CRLS1: variants seen among roughly 807,000 people sequenced by gnomAD.
CRLS1 encodes cardiolipin synthase (CMP-forming).
In CRLS1, 24 loss-of-function variants were observed where a neutral mutation model predicts 37.0. That is an observed-to-expected ratio of 0.65 (90% CI 0.47 to 0.91). CRLS1 has a LOEUF of 0.91. Among genes scored for constraint, CRLS1 ranks in the 40% least tolerant of loss-of-function variants. The pLI, the probability that CRLS1 is intolerant of heterozygous loss-of-function variation, is 0.00. For missense variants in CRLS1, 373 were observed against 395.8 expected (o/e 0.94, Z 0.49); for synonymous variants, 135 against 159.7 (o/e 0.85, Z 1.17).
intron 6 of CRLS1, among the ~76,000 whole-genome samples, chr20:6,036,389 G>A (rs1403159407): frequency 1.3e-5 from 2 of 152,194 alleles, no homozygotes; most frequent in Non-Finnish European, 2.9e-5. Flanking sequence ...AAGTGCGTGG[G>A]CGCACTAAAA....
chr20:6,031,973 A>G, intron 4 of CRLS1, 39 bp from the exon 5 acceptor site: 1 of 1,460,462 alleles, frequency 6.8e-7, no homozygotes, highest in South Asian at 1.2e-5. Flanking sequence ...TATTTTAAAC[A>G]ATAAGTTAAT....
rs1337608331 is a variant in CRLS1 at position 6,031,154 on chromosome 20, T to TG, written c.575-130dup. ...TAGGGGACCCTAAACCATCGATAGG[T>TG]GTTCATTATAAAATTTCTATTTGTG... On this transcript the variant is annotated intron_variant, in intron 3 of 6. Transcript: ENST00000378863. The TG allele has an allele frequency of 1.1e-5, 6 of 569,554 alleles. No individual in the cohort carries two copies. In the African/African-American group the frequency reaches 1.2e-4, roughly 11 times the overall value. 35.3% of individuals were successfully genotyped at this position (569,554 alleles called of 1,614,324 possible).
chr20:6,036,999 G>A (rs988586276), intron 6 of CRLS1, 75 bp from the exon 7 acceptor site: 5 of 973,178 alleles, frequency 5.1e-6, no homozygotes, highest in Middle Eastern at 2.2e-4. Context: ...TTCATTGCAT[G>A]TATTCATTAT....
Position 6,009,838 on chromosome 20 carries a change from C to T in CRLS1, c.370C>T (p.Leu124=). ...SMTRIGLAPV[L]GYLIIEEDFN... The stretch of plus-strand genomic sequence containing the variant: ...GACGAGAATTGGCTTGGCCCCAGTT[C>T]TGGGCTATTTGATTATTGAAGAAGA... Residue 124 remains leucine, a synonymous_variant, in exon 2 of 7, where the codon CTG becomes TTG. Transcript: ENST00000378863. 1 of 1,614,082 alleles carries T rather than the reference C, an allele frequency of 6.2e-7. No homozygotes were observed. The highest frequency in any genetic ancestry group is 8.5e-7 in the Non-Finnish European group (1 of 1,179,974).
intron 3 of CRLS1, chr20:6,026,370 A>C (rs6085354): frequency 6.6e-6 from 1 of 150,910 alleles, no homozygotes; most frequent in African/African-American, 2.5e-5. Flanking sequence ...CAGTGCTACT[A>C]CCGTACACAA....
rs6038331 is a variant in CRLS1 at position 6,023,890 on chromosome 20, C to G, written c.575-7395C>G. On this transcript the variant is annotated intron_variant, in intron 3 of 6. Transcript: ENST00000378863. ...TTTACAGATTCAAGGTTTGGCAACC[C>G]TATGTCCACAAGTCTGTCAGCACCA... Among the ~76,000 whole-genome samples, 695 of 152,170 alleles carry G rather than the reference C, an allele frequency of 4.6e-3. 8 individuals are homozygous for G. Among genetic ancestry groups the G allele is most frequent in the African/African-American group, 0.016 (679 of 41,516 alleles).
In CRLS1 at chr20:6,023,779, G is replaced by C. The variant is rs147280694; in HGVS notation, c.575-7506G>C. Among the ~76,000 whole-genome samples, 51 of 150,582 alleles carry C rather than the reference G, an allele frequency of 3.4e-4. No homozygotes were observed. In the East Asian group the frequency reaches 8.0e-3, roughly 24 times the overall value. ...AAAAAAAAGTTCTTATATCGTGTAT[G>C]AATGTCATTCGGGATATCTATACAT... On this transcript the variant is annotated intron_variant, in intron 3 of 6. Transcript: ENST00000378863.
intron 3 of CRLS1, chr20:6,028,232 A>G (rs1979879110): frequency 6.6e-6 from 1 of 152,132 alleles, no homozygotes; most frequent in South Asian, 2.1e-4. Context: ...AGAATAATAA[A>G]TCATTCTGCT....
At chr20:6,011,588 T>TTTTTTTTTTTTTTTTA (rs1978324620) in intron 2 of CRLS1, among the ~76,000 whole-genome samples, 1 of 103,628 alleles carries the variant, frequency 9.6e-6, no homozygotes, top group African/African-American at 4.6e-5. Context: ...TTTTTTTTTT[T>TTTTTTTTTTTTTTTTA]TTTTTTTTTT....
chr20:6,033,751 C>G (rs866842783), intron 5 of CRLS1, among the ~76,000 whole-genome samples: 1 of 152,156 alleles, frequency 6.6e-6, no homozygotes, highest in Non-Finnish European at 1.5e-5. Flanking sequence ...GCAATCATAG[C>G]TCACTGCAGC....
chr20:6,009,393 A>G (rs965288876), intron 1 of CRLS1, among the ~76,000 whole-genome samples: 3 of 151,920 alleles, frequency 2.0e-5, no homozygotes, highest in East Asian at 1.9e-4. Flanking sequence ...GTTTCGGTAC[A>G]TGATACATCT....
chr20:6,010,033 C>T (rs576773199), intron 2 of CRLS1, 121 bp downstream of exon 2: 8 of 962,954 alleles, frequency 8.3e-6, no homozygotes, highest in East Asian at 2.8e-5. Flanking sequence ...ATGAATTTGA[C>T]GTGGTACTTT....
intron 3 of CRLS1, among the ~76,000 whole-genome samples, chr20:6,030,012 AAG>A (rs1330985778): frequency 6.6e-6 from 1 of 152,194 alleles, no homozygotes; most frequent in African/African-American, 2.4e-5. Context: ...TAATTCATAA[AAG>A]ATTTGTTTGA....
intron 1 of CRLS1, among the ~76,000 whole-genome samples, chr20:6,009,206 C>G (rs999614852): frequency 6.6e-6 from 1 of 151,988 alleles, no homozygotes; most frequent in Non-Finnish European, 1.5e-5. Context: ...ACCTGTAATC[C>G]CAGCTACTTG....
chr20:6,015,582 T>A, intron 3 of CRLS1, 92 bp downstream of exon 3: 1 of 1,281,776 alleles, frequency 7.8e-7, no homozygotes, highest in Admixed American at 1.7e-5. Context: ...TAATTTTTGT[T>A]CCAAAAATAT....
intron 3 of CRLS1, among the ~76,000 whole-genome samples, chr20:6,029,802 T>C (rs1339445790): frequency 6.6e-6 from 1 of 152,240 alleles, no homozygotes; most frequent in Non-Finnish European, 1.5e-5. Context: ...TCTTGTTTGC[T>C]CCAAATGCCG....
chr20:6,007,333 A>T, intron 1 of CRLS1: 2 of 1,606,500 alleles, frequency 1.2e-6, no homozygotes, highest in Non-Finnish European at 1.7e-6. Context: ...TGGGGTTTGA[A>T]TGCTGGATAC....
chr20:6,009,684 G>C (rs2090106509), intron 1 of CRLS1, 91 bp from the exon 2 acceptor site: 1 of 983,650 alleles, frequency 1.0e-6, no homozygotes, highest in African/African-American at 1.7e-5. Context: ...GACTGAAGTT[G>C]ATGAAGTATA....
At chr20:6,015,803 G>A (rs901622520) in intron 3 of CRLS1, 2 of 278,094 alleles carry the variant, frequency 7.2e-6, no homozygotes, top group Admixed American at 5.0e-5. Context: ...TATTTTTAGT[G>A]CCTAGCTTTT....
Sources: gnomAD v4.1 joint callset for allele counts (sites outside exome capture counted in the v4.1 genomes callset) on GRCh38, gnomAD v4.1.1 for gene constraint, MANE v1.5 for transcripts, NCBI Gene and HGNC (gene_info 2026-07-23, HGNC 2026-07-21) for gene names.